LZTFL1: variants seen among roughly 807,000 people sequenced by gnomAD.
LZTFL1 encodes the protein leucine zipper transcription factor-like protein 1.
LZTFL1 carries 25 observed loss-of-function variants against 45.9 expected under a neutral mutation model. That is an observed-to-expected ratio of 0.54 (90% CI 0.40 to 0.76). The LOEUF is 0.76. LZTFL1 is among the 30% of genes least tolerant of loss of function. LZTFL1 has a pLI of 0.00. For synonymous variants in LZTFL1, 93 were observed against 117.4 expected, an observed-to-expected ratio of 0.79 and a Z score of 1.35; for missense variants, 277 against 331.1, an observed-to-expected ratio of 0.84 and a Z score of 1.27.
intron 7 of LZTFL1, 35 bp from the exon 8 acceptor site, chr3:45,828,650 T>G (rs759876479): frequency 1.3e-6 from 2 of 1,498,730 alleles, no homozygotes; most frequent in Non-Finnish European, 9.2e-7. Context: ...TAATTTCATG[T>G]TGATATTCTA....
At chr3:45,856,831 A>G (rs1196116609) in intron 3 of LZTFL1, among the ~76,000 whole-genome samples, 2 of 152,232 alleles carry the variant, frequency 1.3e-5, no homozygotes, top group Non-Finnish European at 2.9e-5. Flanking sequence ...ATACCATCTC[A>G]TGCCAGTCAG....
chr3:45,875,118 A>T (rs1017871071), intron 2 of LZTFL1, among the ~76,000 whole-genome samples: 12 of 152,220 alleles, frequency 7.9e-5, no homozygotes, highest in African/African-American at 2.4e-4. Flanking sequence ...GCAATAGCTT[A>T]CTGATACATC....
intron 1 of LZTFL1, among the ~76,000 whole-genome samples, chr3:45,841,370 AATG>A (rs1399184397): frequency 1.3e-5 from 2 of 152,204 alleles, no homozygotes; most frequent in Admixed American, 6.5e-5. Context: ...TGGAGGGATT[AATG>A]ATATTTTTTG....
chr3:45,856,806 C>G lies in LZTFL1; in HGVS notation c.-137-1732G>C, dbSNP rs142669765. Among the ~76,000 whole-genome samples, 98 of 152,208 alleles carry G rather than the reference C, an allele frequency of 6.4e-4. 1 individual carries two copies. The East Asian group carries it at 0.017, about 26-fold the overall frequency. On this transcript the variant is annotated intron_variant, in intron 3 of 4. Transcript: ENST00000472635. ...CACTGATTGGTAGAGAAATGCAAAT[C>G]AAAACCACAATGAGATACCATCTCA...
intron 1 of LZTFL1, among the ~76,000 whole-genome samples, chr3:45,841,527 C>T (rs933788120): frequency 4.2e-4 from 64 of 151,922 alleles, no homozygotes; most frequent in African/African-American, 1.3e-3. Context: ...CTCTGGTTAC[C>T]GCGCGCGCGC....
chr3:45,830,925 T>G lies in LZTFL1; in HGVS notation c.588A>C (p.Gln196His). 10 of 1,613,944 alleles carry G rather than the reference T, an allele frequency of 6.2e-6. No homozygotes were observed. Among genetic ancestry groups the G allele is most frequent in the Non-Finnish European group, 8.5e-6 (10 of 1,179,844 alleles). The change falls in exon 7 of 10, where the codon CAA becomes CAC. Residue 196 changes from glutamine (Q) to histidine (H), a missense_variant. Physicochemically the swap from Gln to His is conservative, Grantham distance 24 (BLOSUM62 0). Transcript: ENST00000296135. ...EKALQDLQLDQGNQKDFIKAQ... is the reference protein window; with the variant it reads ...EKALQDLQLDHGNQKDFIKAQ... ...AAACTTGTTTCACCTTTTGATTTCCTTGATCAAGCTGTAAATCTTGCAGTG... is the reference window on the plus strand; with the variant it reads ...AAACTTGTTTCACCTTTTGATTTCCGTGATCAAGCTGTAAATCTTGCAGTG...
intron 7 of LZTFL1, among the ~76,000 whole-genome samples, chr3:45,830,049 T>C (rs967821645): frequency 2.0e-5 from 3 of 152,318 alleles, no homozygotes; most frequent in Admixed American, 6.5e-5. Context: ...TGGCCATGCA[T>C]TGGTAACTGC....
At chr3:45,887,251 CTGTGTGTGTGTGTGTG>C (rs36040178) in intron 2 of LZTFL1, among the ~76,000 whole-genome samples, 1 of 149,114 alleles carries the variant, frequency 6.7e-6, no homozygotes, top group East Asian at 2.0e-4. Context: ...GCGTGTGTGT[CTGTGTGTGTGTGTGTG>C]TGTGTGTGAG....
At chr3:45,877,067 A>G (rs1701759458) in intron 2 of LZTFL1, among the ~76,000 whole-genome samples, 1 of 152,154 alleles carries the variant, frequency 6.6e-6, no homozygotes, top group African/African-American at 2.4e-5. Flanking sequence ...TCAGAGGAAG[A>G]GAAAAGTAGG....
In LZTFL1 at chr3:45,835,762, T is replaced by C. The variant is rs554407039; in HGVS notation, c.151A>G (p.Ile51Val). ...TTGAGGACTTCAGAGACTTCATCTA[T>C]GGTGAAGGTGTCCTCCACCAGCCTG... is the stretch of plus-strand genomic sequence containing the variant. ...ESRLVEDTFTIDEVSEVLNGL... is the reference protein window; with the variant it reads ...ESRLVEDTFTVDEVSEVLNGL... The change falls in exon 3 of 10, where the codon ATA becomes GTA. Residue 51 changes from isoleucine to valine, a missense_variant. Coordinates refer to ENST00000296135, the MANE Select transcript of LZTFL1 (RefSeq NM_020347.4). The C allele has an allele frequency of 1.2e-6, 2 of 1,611,888 alleles. No homozygotes were observed. Among genetic ancestry groups the C allele is most frequent in the African/African-American group, 1.3e-5 (1 of 75,000 alleles).
At position 45,825,423 on chromosome 3, in the gene LZTFL1, A is replaced by G. The variant is rs1700639009; in HGVS notation, c.*891T>C. 3 of 152,252 alleles carry G rather than the reference A, an allele frequency of 2.0e-5. No individual in the cohort carries two copies. Among genetic ancestry groups the G allele is most frequent in the Admixed American group, 2.0e-4 (3 of 15,286 alleles). The allele number at this position is 152,252 out of a possible 1,614,324, so 9.4% of individuals were successfully genotyped here. A position where few individuals can be genotyped will look rare whatever the true frequency, so the allele number is the denominator to read the frequency against. ...ACAAATATAGTGAAAACCTCTTGAA[A>G]ATACAATTATTATAGACCCACATAA... On this transcript the variant is annotated 3_prime_UTR_variant, in exon 10 of 10. Coordinates refer to ENST00000296135, the MANE Select transcript of LZTFL1 (RefSeq NM_020347.4).
At chr3:45,859,639 CTT>C (rs539062553) in intron 2 of LZTFL1, among the ~76,000 whole-genome samples, 61 of 129,860 alleles carry the variant, frequency 4.7e-4, no homozygotes, top group Admixed American at 7.7e-4. Flanking sequence ...CATTACATGG[CTT>C]TTTTTTTTTT....
chr3:45,903,733 G>C (rs998441253), intron 2 of LZTFL1, among the ~76,000 whole-genome samples: 1 of 152,238 alleles, frequency 6.6e-6, no homozygotes, highest in Non-Finnish European at 1.5e-5. Context: ...CTGCCCGTGA[G>C]GGGGCAGTGG....
intron 2 of LZTFL1, among the ~76,000 whole-genome samples, chr3:45,910,404 T>C (rs1702771346): frequency 6.6e-6 from 1 of 152,142 alleles, no homozygotes; most frequent in South Asian, 2.1e-4. Context: ...GGGTGGTTGG[T>C]GGTGCTGCCC....
At chr3:45,831,591 T>C (rs1009802958) in intron 5 of LZTFL1, among the ~76,000 whole-genome samples, 7 of 152,208 alleles carry the variant, frequency 4.6e-5, no homozygotes, top group African/African-American at 1.4e-4. Context: ...TTTGTTCTTA[T>C]ACAGCTCAAA....
intron 4 of LZTFL1, among the ~76,000 whole-genome samples, chr3:45,853,789 T>C (rs1438432212): frequency 6.6e-6 from 1 of 152,200 alleles, no homozygotes; most frequent in African/African-American, 2.4e-5. Context: ...CCATAAACAA[T>C]GATAATCCAT....
At chr3:45,852,175 G>T (rs1030617693) in intron 4 of LZTFL1, among the ~76,000 whole-genome samples, 10 of 152,202 alleles carry the variant, frequency 6.6e-5, no homozygotes, top group Non-Finnish European at 8.8e-5. Context: ...TTAACACTCA[G>T]TAGTGTCTGG....
intron 2 of LZTFL1, among the ~76,000 whole-genome samples, chr3:45,881,126 C>A (rs535971989): frequency 5.3e-5 from 8 of 152,352 alleles, no homozygotes; most frequent in African/African-American, 1.9e-4. Context: ...CACAAAACCT[C>A]AGGAGTTGAG....
rs530549722 is a variant in LZTFL1, at chr3:45,838,966, T to C, written c.4-915A>G. The stretch of plus-strand genomic sequence containing the variant: ...GATTTCTATTACACACTAAAAATAA[T>C]TGACTACCTACATTAGAGACAATAT... On this transcript the variant is annotated intron_variant, in intron 1 of 9. Transcript: ENST00000296135. 9.2e-5 allele frequency among the ~76,000 whole-genome samples: 14 copies of C among 152,354 alleles called. No individual in the cohort carries two copies. The South Asian group carries it at 1.2e-3, about 14-fold the overall frequency.
Sources: gnomAD v4.1 joint callset for allele counts (sites outside exome capture counted in the v4.1 genomes callset) on GRCh38, gnomAD v4.1.1 for gene constraint, MANE v1.5 for transcripts, NCBI Gene and HGNC (gene_info 2026-07-23, HGNC 2026-07-21) for gene names.